LYST: variants seen among roughly 807,000 people sequenced by gnomAD.
LYST encodes lysosomal trafficking regulator.
In LYST, 192 loss-of-function variants were observed where a neutral mutation model predicts 413.6. That is an observed-to-expected ratio of 0.46 (90% CI 0.41 to 0.52). LYST has a LOEUF of 0.52. Among genes scored for constraint, LYST ranks in the 20% least tolerant of loss-of-function variants. The probability of loss-of-function intolerance (pLI) is 0.00; values close to 1 mark genes in which losing one functional copy is unlikely to be tolerated. For missense variants in LYST, 3,815 were observed against 4,499.9 expected, an observed-to-expected ratio of 0.85 and a Z score of 4.35; for synonymous variants, 1,525 against 1,567.3, an observed-to-expected ratio of 0.97 and a Z score of 0.64.
chr1:235,665,705 AAAG>A (rs543051074), intron 50 of LYST, among the ~76,000 whole-genome samples: 105 of 152,262 alleles, frequency 6.9e-4, no homozygotes, highest in African/African-American at 2.5e-3. Flanking sequence ...ATTCTTAAAA[AAAG>A]AAGAAAAAGT....
chr1:235,852,704 G>A (rs188340861), intron 1 of LYST, among the ~76,000 whole-genome samples: 140 of 152,188 alleles, frequency 9.2e-4, no homozygotes, highest in Middle Eastern at 3.4e-3. Flanking sequence ...GCCAGAGTTC[G>A]CATTTAATAA....
At chr1:235,837,828 C>A (rs1003203331) in intron 1 of LYST, among the ~76,000 whole-genome samples, 3 of 150,612 alleles carry the variant, frequency 2.0e-5, no homozygotes, top group Non-Finnish European at 4.4e-5. Flanking sequence ...TGCAAGGGAA[C>A]GGGTGATGGC....
intron 50 of LYST, among the ~76,000 whole-genome samples, chr1:235,672,192 G>T (rs968196950): frequency 6.6e-6 from 1 of 152,184 alleles, no homozygotes; most frequent in Non-Finnish European, 1.5e-5. Flanking sequence ...AGTTGAAAAT[G>T]CTGTGTAGGC....
At chr1:235,772,660 G>A (rs554582736) in intron 19 of LYST, among the ~76,000 whole-genome samples, 2 of 152,192 alleles carry the variant, frequency 1.3e-5, no homozygotes, top group East Asian at 3.9e-4. Flanking sequence ...TTGTACTTAC[G>A]ATGAAGCCTT....
intron 1 of LYST, among the ~76,000 whole-genome samples, chr1:235,882,284 A>G (rs896501940): frequency 6.6e-6 from 1 of 152,210 alleles, no homozygotes; most frequent in African/African-American, 2.4e-5. Flanking sequence ...AGGTCATATT[A>G]GGAGAACAGC....
intron 25 of LYST, 48 bp downstream of exon 25, chr1:235,755,428 GAA>G (rs753101023): frequency 1.0e-4 from 123 of 1,227,746 alleles, no homozygotes; most frequent in Non-Finnish European, 1.3e-4. Context: ...GAAAAGAAAA[GAA>G]AAAAGACAAA....
In LYST at chr1:235,800,925, A is replaced by T. The variant is rs750096921; in HGVS notation, c.3885T>A (p.Ser1295Arg). 5.0e-6 allele frequency: 8 copies of T among 1,613,770 alleles called. No homozygotes were observed. Among genetic ancestry groups the T allele is most frequent in the Middle Eastern group, 1.7e-4 (1 of 6,058 alleles). ...CTTTCTGCCTAATAATTTTCAAAAA[A>T]CTCTCAAATACATGGGCAAGCACAT... ...KLDVLAHVFE[S>R]FLKIIRQKEK... The change falls in exon 9 of 53, where the codon AGT (serine) becomes AGA (arginine). Residue 1295 changes from serine to arginine, a missense_variant. Ser to Arg is a moderately radical substitution (Grantham distance 110, BLOSUM62 -1). This residue lies in a region of LYST where 1,648 missense variants were observed against 1,810.3 expected (regional missense o/e 0.91). Transcript: ENST00000389793.
chr1:235,819,046 T>C (rs531701960), intron 3 of LYST, among the ~76,000 whole-genome samples: 1 of 152,266 alleles, frequency 6.6e-6, no homozygotes, highest in East Asian at 1.9e-4. Context: ...AGTGAGTTAG[T>C]TCTTGCAAAC....
At chr1:235,780,028 A>T (rs1316916360) in intron 16 of LYST, among the ~76,000 whole-genome samples, 1 of 152,196 alleles carries the variant, frequency 6.6e-6, no homozygotes, top group Non-Finnish European at 1.5e-5. Context: ...ATATTGGAAT[A>T]ATATATAAAA....
chr1:235,800,438 A>G (rs1672084998), intron 9 of LYST, 52 bp from the exon 10 acceptor site: 1 of 957,168 alleles, frequency 1.0e-6, no homozygotes, highest in South Asian at 1.3e-5. Flanking sequence ...CAGAAGCATG[A>G]AACAACTGCA....
chr1:235,778,961 G>A (rs1205052070), intron 16 of LYST, among the ~76,000 whole-genome samples: 1 of 151,288 alleles, frequency 6.6e-6, no homozygotes, highest in Non-Finnish European at 1.5e-5. Context: ...CCGCCTCCTA[G>A]GTTCAAGCGA....
chr1:235,687,002 C>T lies in LYST; in HGVS notation c.10747G>A (p.Gly3583Arg). 6.2e-7 allele frequency: 1 copy of T among 1,614,068 alleles called. No homozygotes were observed. Among genetic ancestry groups the T allele is most frequent in the Non-Finnish European group, 8.5e-7 (1 of 1,179,986 alleles). The change falls in exon 48 of 53, where the codon GGA becomes AGA. Residue 3583 changes from glycine to arginine, a missense_variant. By Grantham distance (125) the Gly-to-Arg change is moderately radical (BLOSUM62 -2). Transcript: ENST00000389793. ...WVPDSCQLFTGSKCGVITAYT... is the reference protein window; with the variant it reads ...WVPDSCQLFTRSKCGVITAYT... ...GCTGTGATGACACCGCATTTGCTTC[C>T]AGTAAACAGCTGGCAACTGTCAGGC...
At chr1:235,710,346 C>T (rs2103121320) in intron 43 of LYST, among the ~76,000 whole-genome samples, 1 of 152,292 alleles carries the variant, frequency 6.6e-6, no homozygotes, top group Admixed American at 6.5e-5. Context: ...TGAGCACCTG[C>T]AGAACTCCAT....
In LYST at chr1:235,752,111, A is replaced by T; in HGVS notation, c.7521T>A (p.Val2507=). ...ACDIQQLFIA[V]TIHACSSSGS... is the part of the protein sequence containing the mutation. Reference sequence around the variant, plus strand: ...CTGAGGAACTGCAAGCATGAATTGTAACTGCTATGAAAAGTTGCTGTATAT... The same window carrying T: ...CTGAGGAACTGCAAGCATGAATTGTTACTGCTATGAAAAGTTGCTGTATAT... Residue 2507 remains valine (V), a synonymous_variant, in exon 27 of 53, where the codon GTT becomes GTA. Coordinates refer to ENST00000389793, the MANE Select transcript of LYST (RefSeq NM_000081.4). The T allele has an allele frequency of 6.2e-7, 1 of 1,611,548 alleles. No homozygotes were observed. The highest frequency in any genetic ancestry group is 1.7e-4 in the Middle Eastern group (1 of 5,990).
chr1:235,879,395 C>T (rs767170253), intron 1 of LYST, among the ~76,000 whole-genome samples: 7 of 152,282 alleles, frequency 4.6e-5, no homozygotes, highest in South Asian at 2.1e-4. Context: ...GAGCATATGG[C>T]GGGAATGGTC....
At chr1:235,677,413 C>G in intron 49 of LYST, 67 bp downstream of exon 49, 1 of 1,518,208 alleles carries the variant, frequency 6.6e-7, no homozygotes, top group Non-Finnish European at 9.1e-7. Context: ...TTTGGTTTAT[C>G]TATTTCATAT....
chr1:235,803,052 C>T lies in LYST; in HGVS notation c.3568G>A (p.Ala1190Thr). ...CCAGGCTGGGATGACAATTCTTCTG[C>T]AGATTGATGACTCTATAAATCAGTG... ...DAMTEKSHQS[A>T]EELSSQPGDF... The change falls in exon 8 of 53, where the codon GCA becomes ACA. Residue 1190 changes from alanine (A) to threonine (T), a missense_variant. Coordinates refer to ENST00000389793, the MANE Select transcript of LYST (RefSeq NM_000081.4). 1 of 1,612,414 alleles carries T rather than the reference C, an allele frequency of 6.2e-7. No homozygotes were observed. The highest frequency in any genetic ancestry group is 2.2e-5 in the East Asian group (1 of 44,772).
chr1:235,731,214 C>G (rs1664349785), intron 34 of LYST, 37 bp from the exon 35 acceptor site: 1 of 1,593,932 alleles, frequency 6.3e-7, no homozygotes, highest in Non-Finnish European at 8.6e-7. Context: ...TTTAAGTGAC[C>G]ATCCAGGACT....
chr1:235,819,184 G>A (rs1008920635), intron 3 of LYST, among the ~76,000 whole-genome samples: 3 of 152,162 alleles, frequency 2.0e-5, no homozygotes, highest in South Asian at 4.1e-4. Flanking sequence ...TGGGGGAAAC[G>A]AGTCTTTCCT....
Sources: gnomAD v4.1 joint callset for allele counts (sites outside exome capture counted in the v4.1 genomes callset) on GRCh38, gnomAD v4.1.1 for gene constraint, gnomAD v4.1.1 regional missense constraint, MANE v1.5 for transcripts, NCBI Gene and HGNC (gene_info 2026-07-23, HGNC 2026-07-21) for gene names.